Variants in ALLC observed in about 807,000 individuals in gnomAD.
The protein encoded by ALLC is probable inactive allantoicase.
A neutral mutation model predicts 45.0 loss-of-function variants in ALLC; 40 were observed. The ratio of observed to expected loss-of-function variants is 0.89; its 90% CI spans 0.69 to 1.16. The LOEUF is 1.16. ALLC is among the 50% of genes most tolerant of loss of function. The probability of loss-of-function intolerance (pLI) is 0.00; values close to 1 mark genes in which losing one functional copy is unlikely to be tolerated. For missense variants in ALLC, 488 were observed against 493.1 expected, an observed-to-expected ratio of 0.99 and a Z score of 0.10; for synonymous variants, 176 against 178.1, an observed-to-expected ratio of 0.99 and a Z score of 0.09.
intron 7 of ALLC, among the ~76,000 whole-genome samples, chr2:3,686,126 G>C (rs1667329113): frequency 6.6e-6 from 1 of 151,018 alleles, no homozygotes; most frequent in African/African-American, 2.4e-5. Flanking sequence ...TTAGATTTAA[G>C]TTTTTCATCC....
At chr2:3,647,983 G>T in the ALLC span, among the ~76,000 whole-genome samples, 12 of 152,308 alleles carry the variant, frequency 7.9e-5, no homozygotes, top group South Asian at 1.0e-3. Flanking sequence ...GGGCCTGTGA[G>T]TTACAGGCAG....
At chr2:3,695,451 A>G (rs1572531660) in intron 7 of ALLC, 2 of 407,268 alleles carry the variant, frequency 4.9e-6, no homozygotes, top group East Asian at 9.2e-5. Flanking sequence ...ACTTCAGAGC[A>G]TGAGAGGGAA....
chr2:3,649,487 C>T, the ALLC span, among the ~76,000 whole-genome samples: 533 of 152,306 alleles, frequency 3.5e-3, 23 homozygotes, highest in East Asian at 0.074. Context: ...GTGATCCACC[C>T]GCCTCGGCCT....
Position 3,689,591 on chromosome 2 carries a change from T to C in ALLC, c.512-6126T>C, listed in dbSNP as rs937947309. Among the ~76,000 whole-genome samples, 21 of 151,202 alleles carry C rather than the reference T, an allele frequency of 1.4e-4. 1 individual carries two copies. The highest frequency in any genetic ancestry group is 2.4e-4 in the Non-Finnish European group (16 of 67,648). The stretch of plus-strand genomic sequence containing the variant: ...AGATACTTGATATGATTTCTACTTT[T>C]TTGAATTTGTTTAGACTTGCTTTAT... On this transcript the variant is annotated intron_variant, in intron 7 of 11. Coordinates refer to ENST00000252505, the MANE Select transcript of ALLC (RefSeq NM_018436.4).
chr2:3,649,639 G>T, the ALLC span, among the ~76,000 whole-genome samples: 1 of 152,272 alleles, frequency 6.6e-6, no homozygotes, highest in African/African-American at 2.4e-5. Flanking sequence ...CAGTGATTCT[G>T]GTTCAGGGGT....
chr2:3,670,738 G>T (rs919139874), intron 1 of ALLC, among the ~76,000 whole-genome samples: 6 of 152,254 alleles, frequency 3.9e-5, no homozygotes, highest in South Asian at 2.1e-4. Flanking sequence ...TGGCTTCAAA[G>T]ACTATTAAAA....
chr2:3,662,840 G>A (rs1666606915), intron 1 of ALLC, among the ~76,000 whole-genome samples: 2 of 152,182 alleles, frequency 1.3e-5, no homozygotes, highest in South Asian at 4.1e-4. Context: ...ATTCACTTAT[G>A]TAACGTCTGA....
the ALLC span, among the ~76,000 whole-genome samples, chr2:3,652,330 G>C: frequency 6.6e-6 from 1 of 152,222 alleles, no homozygotes; most frequent in African/African-American, 2.4e-5. Flanking sequence ...TAGAGCTCGG[G>C]GCCATTTTGT....
chr2:3,686,531 G>A (rs1649250972), intron 7 of ALLC, among the ~76,000 whole-genome samples: 1 of 150,942 alleles, frequency 6.6e-6, no homozygotes, highest in South Asian at 2.1e-4. Context: ...GCTTTGGATA[G>A]TACTGTCATT....
At chr2:3,697,550 C>G in intron 10 of ALLC, 94 bp downstream of exon 10, 2 of 958,108 alleles carry the variant, frequency 2.1e-6, no homozygotes, top group Non-Finnish European at 3.3e-6. Context: ...ACTGGACTTT[C>G]GGTGTGGATT....
intron 2 of ALLC, among the ~76,000 whole-genome samples, chr2:3,673,407 C>G (rs1330357192): frequency 6.6e-6 from 1 of 152,236 alleles, no homozygotes; most frequent in African/African-American, 2.4e-5. Context: ...TCCCTCTGCT[C>G]TGCCACTCAA....
chr2:3,658,634 G>A (rs757921530), intron 1 of ALLC, among the ~76,000 whole-genome samples: 3 of 152,112 alleles, frequency 2.0e-5, no homozygotes, highest in Non-Finnish European at 4.4e-5. Context: ...TTGGGAGGCC[G>A]AGGTGGGTGG....
chr2:3,653,048 G>A, the ALLC span, among the ~76,000 whole-genome samples: 1 of 152,206 alleles, frequency 6.6e-6, no homozygotes, highest in Non-Finnish European at 1.5e-5. The surrounding 1 kb of genome is among the most constrained non-coding windows in gnomAD (Gnocchi z 4.1). Flanking sequence ...GCATCAGCTG[G>A]GAGGCCTGTC....
intron 10 of ALLC, among the ~76,000 whole-genome samples, chr2:3,700,741 T>C (rs910526245): frequency 1.3e-5 from 2 of 152,234 alleles, no homozygotes; most frequent in African/African-American, 2.4e-5. Flanking sequence ...TTGCATCCTT[T>C]GTGTCCGTAT....
At chr2:3,651,486 G>C in the ALLC span, among the ~76,000 whole-genome samples, 1 of 147,886 alleles carries the variant, frequency 6.8e-6, no homozygotes, top group African/African-American at 2.5e-5. Flanking sequence ...ACAAAGAGCA[G>C]GCGGGAGCAG....
chr2:3,661,147 C>G (rs1056869458), intron 1 of ALLC, among the ~76,000 whole-genome samples: 3 of 152,104 alleles, frequency 2.0e-5, no homozygotes, highest in Non-Finnish European at 4.4e-5. Context: ...GCCTCCGTCC[C>G]GTCTCTGAGT....
chr2:3,691,601 A>G (rs939299442), intron 7 of ALLC, among the ~76,000 whole-genome samples: 6 of 152,090 alleles, frequency 3.9e-5, no homozygotes, highest in Non-Finnish European at 8.8e-5. Flanking sequence ...GCCTTGGAGT[A>G]GTCTTATTTG....
At chr2:3,683,460 T>C (rs1411037584) in intron 7 of ALLC, among the ~76,000 whole-genome samples, 1 of 152,216 alleles carries the variant, frequency 6.6e-6, no homozygotes, top group Non-Finnish European at 1.5e-5. Context: ...CAATGATGTA[T>C]AGCATATGCA....
intron 7 of ALLC, 87 bp from the exon 8 acceptor site, chr2:3,695,630 C>G: frequency 6.7e-7 from 1 of 1,488,968 alleles, no homozygotes; most frequent in South Asian, 1.2e-5. Flanking sequence ...CAAGAGATGA[C>G]ACTGGAGAAG....
Sources: gnomAD v4.1 joint callset for allele counts (sites outside exome capture counted in the v4.1 genomes callset) on GRCh38, gnomAD v4.1.1 for gene constraint, Gnocchi (gnomAD v3.1) non-coding constraint, MANE v1.5 for transcripts, NCBI Gene and HGNC (gene_info 2026-07-23, HGNC 2026-07-21) for gene names.